The following KIF5C variants were observed in gnomAD, a reference collection of about 807,000 sequenced individuals.
KIF5C encodes kinesin family member 5C, also known as kinesin heavy chain isoform 5C.
KIF5C carries 18 observed loss-of-function variants against 125.2 expected under a neutral mutation model. The ratio of observed to expected loss-of-function variants is 0.14; its 90% CI spans 0.10 to 0.21. The LOEUF (loss-of-function observed/expected upper bound fraction) is 0.21, where lower values mean the gene tolerates loss of function less well. KIF5C is among the 10% of genes least tolerant of loss of function. KIF5C has a pLI of 1.00. For missense variants in KIF5C, 780 were observed against 1,183.8 expected, an observed-to-expected ratio of 0.66 and a Z score of 5.01; for synonymous variants, 405 against 434.0, an observed-to-expected ratio of 0.93 and a Z score of 0.83.
intron 1 of KIF5C, among the ~76,000 whole-genome samples, chr2:148,919,614 T>C (rs1388756052): frequency 6.6e-6 from 1 of 152,204 alleles, no homozygotes; most frequent in African/African-American, 2.4e-5. Flanking sequence ...ATACCATTAC[T>C]AAAGCAGCAA....
intron 11 of KIF5C, among the ~76,000 whole-genome samples, chr2:148,966,615 C>A (rs1213719211): frequency 2.0e-5 from 3 of 152,144 alleles, no homozygotes; most frequent in Non-Finnish European, 4.4e-5. Context: ...CTCCCCCACA[C>A]CTCCACCTGT....
intron 1 of KIF5C, among the ~76,000 whole-genome samples, chr2:148,920,011 G>C (rs1681719038): frequency 6.6e-6 from 1 of 152,200 alleles, no homozygotes; most frequent in African/African-American, 2.4e-5. Flanking sequence ...ATGAGGAATA[G>C]AGATTTCTTG....
chr2:149,009,987 T>C, intron 23 of KIF5C, 148 bp from the exon 24 acceptor site: 1 of 1,329,036 alleles, frequency 7.5e-7, no homozygotes, highest in South Asian at 1.6e-5. Flanking sequence ...CAGTCTGAGT[T>C]TTCCTTTCCT....
At chr2:148,930,209 A>G (rs1233121241) in intron 3 of KIF5C, among the ~76,000 whole-genome samples, 1 of 152,182 alleles carries the variant, frequency 6.6e-6, no homozygotes, top group Non-Finnish European at 1.5e-5. Context: ...TGCTCCCTGA[A>G]GGCACTTCAG....
chr2:148,937,234 G>A, intron 3 of KIF5C, 50 bp from the exon 4 acceptor site: 1 of 1,547,976 alleles, frequency 6.5e-7, no homozygotes, highest in South Asian at 1.2e-5. Context: ...TCTCTCTCAT[G>A]TGTCTCCCAG....
chr2:148,947,773 GC>G, intron 8 of KIF5C: 2 of 400,568 alleles, frequency 5.0e-6, no homozygotes, highest in South Asian at 3.7e-5. Flanking sequence ...CCTCCCTCGA[GC>G]AACATCATAG....
chr2:148,875,729 A>G lies in KIF5C; in HGVS notation c.112A>G (p.Thr38Ala). 6.2e-7 allele frequency: 1 copy of G among 1,605,028 alleles called. No individual in the cohort carries two copies. Among genetic ancestry groups the G allele is most frequent in the Non-Finnish European group, 8.5e-7 (1 of 1,176,268 alleles). The change falls in exon 1 of 26, where the codon ACC (threonine) becomes GCC (alanine). Residue 38 changes from threonine (T) to alanine (A), a missense_variant. Thr to Ala is a moderately conservative substitution (Grantham distance 58, BLOSUM62 0). Around this residue, in one of 2 missense-constraint regions of KIF5C, gnomAD observed 207 missense variants for 441.2 expected, o/e 0.47. Coordinates refer to ENST00000435030, the MANE Select transcript of KIF5C (RefSeq NM_004522.3). ...CATCCCCAAATTTAAAGGCGATGAG[A>G]CCGTGGTGATCGGGGTAAGTGGCTG... ...KFIPKFKGDE[T>A]VVIGQGKPYV...
intron 4 of KIF5C, among the ~76,000 whole-genome samples, chr2:148,939,229 C>G (rs951113847): frequency 1.3e-5 from 2 of 152,226 alleles, no homozygotes; most frequent in Non-Finnish European, 2.9e-5. Context: ...AACTTCTCCC[C>G]TTACTACTGT....
chr2:149,012,832 A>G (rs549598558), intron 25 of KIF5C, among the ~76,000 whole-genome samples: 1 of 152,364 alleles, frequency 6.6e-6, no homozygotes, highest in African/African-American at 2.4e-5. Context: ...CCCCATTCCT[A>G]TCTAATCTCT....
chr2:148,949,287 A>G (rs1682600590), intron 8 of KIF5C, among the ~76,000 whole-genome samples: 1 of 152,140 alleles, frequency 6.6e-6, no homozygotes, highest in African/African-American at 2.4e-5. Flanking sequence ...TTCTCTCCCA[A>G]GTTTTTTGCT....
intron 11 of KIF5C, among the ~76,000 whole-genome samples, chr2:148,967,352 G>A (rs1469664813): frequency 1.3e-5 from 2 of 152,180 alleles, no homozygotes; most frequent in African/African-American, 4.8e-5. Context: ...TGTAGGCTGG[G>A]GCTGCTTCAG....
At chr2:148,990,645 G>T (rs970285820) in intron 15 of KIF5C, among the ~76,000 whole-genome samples, 1 of 152,156 alleles carries the variant, frequency 6.6e-6, no homozygotes. Flanking sequence ...CGGAGCATTG[G>T]GTGTCGCTGC....
At chr2:148,878,788 G>A (rs1192892760) in intron 1 of KIF5C, 2 of 152,198 alleles carry the variant, frequency 1.3e-5, no homozygotes, top group East Asian at 1.9e-4. Flanking sequence ...GGCACAGACT[G>A]TGGATGACCA....
At chr2:148,979,311 G>A (rs926634696) in intron 13 of KIF5C, among the ~76,000 whole-genome samples, 2 of 152,052 alleles carry the variant, frequency 1.3e-5, no homozygotes, top group African/African-American at 4.8e-5. Flanking sequence ...TTGAGACAGG[G>A]TCTCTCTGTT....
chr2:148,988,295 G>A (rs1041093406), intron 15 of KIF5C, among the ~76,000 whole-genome samples: 3 of 152,084 alleles, frequency 2.0e-5, no homozygotes, highest in African/African-American at 7.2e-5. Context: ...TATCCATCAG[G>A]CACAAACTCA....
At chr2:148,994,035 G>C (rs764784098) in intron 16 of KIF5C, among the ~76,000 whole-genome samples, 1 of 152,172 alleles carries the variant, frequency 6.6e-6, no homozygotes, top group Non-Finnish European at 1.5e-5. Flanking sequence ...TAATTGAATG[G>C]TGAAGATGGA....
chr2:148,998,506 G>A lies in KIF5C; in HGVS notation c.2207G>A (p.Arg736Gln), dbSNP rs980042486. 20 of 1,554,820 alleles carry A rather than the reference G, an allele frequency of 1.3e-5. No individual in the cohort carries two copies. Among genetic ancestry groups the A allele is most frequent in the Admixed American group, 2.0e-5 (1 of 51,206 alleles). The change falls in exon 19 of 26, where the codon CGG becomes CAG. Residue 736 changes from arginine (R) to glutamine (Q), a missense_variant. Arg to Gln is a conservative substitution (Grantham distance 43). Coordinates refer to ENST00000435030, the MANE Select transcript of KIF5C (RefSeq NM_004522.3). ...AAGCAGAAAATCATTGATGAGATTCGGGAGTGAGTCGGCCCAGGGCACCAG... is the reference window on the plus strand; with the variant it reads ...AAGCAGAAAATCATTGATGAGATTCAGGAGTGAGTCGGCCCAGGGCACCAG... ...EEKQKIIDEIRDLNQKLQLEQ... is the reference protein window; with the variant it reads ...EEKQKIIDEIQDLNQKLQLEQ...
At chr2:149,004,043 C>G (rs1574830796) in intron 21 of KIF5C, among the ~76,000 whole-genome samples, 4 of 152,222 alleles carry the variant, frequency 2.6e-5, no homozygotes, top group Non-Finnish European at 5.9e-5. Context: ...GTGCTGCACC[C>G]CTGCCCCTGG....
intron 12 of KIF5C, among the ~76,000 whole-genome samples, chr2:148,975,477 A>G (rs942183431): frequency 6.6e-6 from 1 of 152,178 alleles, no homozygotes; most frequent in African/African-American, 2.4e-5. Flanking sequence ...TGTATATCAC[A>G]TATAGGTGGC....
Sources: gnomAD v4.1 joint callset for allele counts (sites outside exome capture counted in the v4.1 genomes callset) on GRCh38, gnomAD v4.1.1 for gene constraint, gnomAD v4.1.1 regional missense constraint, MANE v1.5 for transcripts, NCBI Gene and HGNC (gene_info 2026-07-23, HGNC 2026-07-21) for gene names.